The following PISD variants were observed in gnomAD, a reference collection of about 807,000 sequenced individuals.
The protein encoded by PISD is phosphatidylserine decarboxylase proenzyme, mitochondrial.
In PISD, 31 loss-of-function variants were observed where a neutral mutation model predicts 43.5. The observed-to-expected ratio is 0.71, with a 90% confidence interval of 0.54 to 0.96. PISD has a LOEUF of 0.96. Among genes scored for constraint, PISD ranks in the 40% least tolerant of loss-of-function variants. The pLI is 0.00. For missense variants in PISD, 523 were observed against 548.4 expected (o/e 0.95, Z 0.46); for synonymous variants, 259 against 228.7 (o/e 1.13, Z -1.20).
At chr22:31,637,164 A>ATATATAT (rs1205211767) in intron 3 of PISD, among the ~76,000 whole-genome samples, 2 of 13,632 alleles carry the variant, frequency 1.5e-4, no homozygotes, top group Non-Finnish European at 2.5e-4. Flanking sequence ...AAAAAAAAAA[A>ATATATAT]ATATATATAT....
At position 31,630,961 on chromosome 22, in the gene PISD, C is replaced by G; in HGVS notation, c.322-9076G>C. 1.5e-6 allele frequency: 1 copy of G among 685,018 alleles called. No individual in the cohort carries two copies. The highest frequency in any genetic ancestry group is 1.8e-6 in the Non-Finnish European group (1 of 555,136). 42.4% of individuals were successfully genotyped at this position (685,018 alleles called of 1,614,324 possible). On this transcript the variant is annotated intron_variant, in intron 3 of 7. Transcript: ENST00000439502. The surrounding 1 kb of genome is among the most constrained non-coding windows in gnomAD (Gnocchi z 4.4). ...CAGCCACCCTTAAAGCTGCCGCCCC[C>G]TCTGAGCCCCAGTCCTGCTGGGCCG...
At chr22:31,661,940 G>C (rs917187322) in intron 1 of PISD, among the ~76,000 whole-genome samples, 1 of 152,180 alleles carries the variant, frequency 6.6e-6, no homozygotes, top group Admixed American at 6.6e-5. Context: ...GGCAAAGCGC[G>C]AGCTTCTAGG....
At chr22:31,621,215 A>G in intron 5 of PISD, 73 bp from the exon 6 acceptor site, 1 of 1,611,564 alleles carries the variant, frequency 6.2e-7, no homozygotes, top group Non-Finnish European at 8.5e-7. Context: ...TGTGGTCTGC[A>G]CATGGATTCT....
chr22:31,656,896 C>A (rs1435785300), intron 1 of PISD, among the ~76,000 whole-genome samples: 3 of 152,112 alleles, frequency 2.0e-5, no homozygotes, highest in Admixed American at 2.0e-4. Flanking sequence ...TCAAATGTTA[C>A]CTCCTCAGTG....
intron 3 of PISD, chr22:31,628,827 C>T (rs981200783): frequency 1.2e-5 from 12 of 985,550 alleles, no homozygotes; most frequent in Non-Finnish European, 1.4e-5. Flanking sequence ...GCGACGCAGC[C>T]TCAGACCTGG....
intron 3 of PISD, among the ~76,000 whole-genome samples, chr22:31,637,163 AAATATATATAT>A (rs1286228275): frequency 7.4e-4 from 15 of 20,384 alleles, no homozygotes; most frequent in African/African-American, 3.5e-3. Flanking sequence ...AAAAAAAAAA[AAATATATATAT>A]ATATATATAT....
intron 1 of PISD, among the ~76,000 whole-genome samples, chr22:31,658,561 GTTTT>G (rs1301463045): frequency 7.0e-6 from 1 of 143,576 alleles, no homozygotes; most frequent in African/African-American, 2.8e-5. Flanking sequence ...TTGTTTGTTT[GTTTT>G]TTGAGACAGG....
At chr22:31,648,841 C>G (rs1389070445) in intron 2 of PISD, among the ~76,000 whole-genome samples, 1 of 152,074 alleles carries the variant, frequency 6.6e-6, no homozygotes, top group Non-Finnish European at 1.5e-5. Flanking sequence ...CCACCGCAGT[C>G]ACAAAATGTA....
chr22:31,637,164 A>AT (rs1205211767), intron 3 of PISD, among the ~76,000 whole-genome samples: 16 of 13,624 alleles, frequency 1.2e-3, no homozygotes, highest in East Asian at 4.3e-3. Context: ...AAAAAAAAAA[A>AT]ATATATATAT....
intron 1 of PISD, among the ~76,000 whole-genome samples, chr22:31,660,762 C>T (rs950655144): frequency 9.2e-5 from 14 of 152,236 alleles, no homozygotes; most frequent in Middle Eastern, 6.8e-3. Flanking sequence ...GAGACAGAGT[C>T]TCACTCTGTC....
intron 3 of PISD, among the ~76,000 whole-genome samples, chr22:31,635,361 G>A (rs959456241): frequency 6.6e-6 from 1 of 151,930 alleles, no homozygotes; most frequent in Non-Finnish European, 1.5e-5. Flanking sequence ...GGAGTGCAGT[G>A]GAATGATCTT....
chr22:31,652,247 T>C (rs1174615716), intron 1 of PISD, among the ~76,000 whole-genome samples: 1 of 152,008 alleles, frequency 6.6e-6, no homozygotes, highest in Non-Finnish European at 1.5e-5. Flanking sequence ...TTGTCATGCC[T>C]CAGCCTCCTG....
chr22:31,621,365 A>G lies in PISD; in HGVS notation c.666T>C (p.Arg222=). 1 of 1,611,040 alleles carries G rather than the reference A, an allele frequency of 6.2e-7. No homozygotes were observed. Among genetic ancestry groups the G allele is most frequent in the Non-Finnish European group, 8.5e-7 (1 of 1,178,254 alleles). The part of the protein sequence containing the change: ...TYSLESFLGP[R]MCTEDLPFPP... ...GGAAGGGCAGGTCCTCTGTGCACAT[A>G]CGCGGGCCCAGGAACGACTCCAGGG... is the stretch of plus-strand genomic sequence containing the variant. Residue 222 remains arginine (R), a synonymous_variant, in exon 5 of 8, where the codon CGT becomes CGC. Coordinates refer to ENST00000439502, the MANE Select transcript of PISD (RefSeq NM_001326411.2).
intron 3 of PISD, among the ~76,000 whole-genome samples, chr22:31,645,854 C>CT (rs1444719632): frequency 1.7e-5 from 2 of 115,782 alleles, no homozygotes; most frequent in Non-Finnish European, 3.5e-5. Flanking sequence ...GAGACTCCAT[C>CT]TAAAAAAAAA....
In PISD at chr22:31,619,298, G is replaced by A. The variant is rs146860075; in HGVS notation, c.*314C>T. ...GACAACCGAGACCAACTGAAGGTTCGGTCAGGAATGCAGGCTCTTCCGTCT... is the reference window on the plus strand; with the variant it reads ...GACAACCGAGACCAACTGAAGGTTCAGTCAGGAATGCAGGCTCTTCCGTCT... On this transcript the variant is annotated 3_prime_UTR_variant, in exon 8 of 8. Transcript: ENST00000439502. The A allele has an allele frequency of 2.8e-5, 10 of 361,380 alleles. No individual in the cohort carries two copies. The highest frequency in any genetic ancestry group is 6.3e-5 in the African/African-American group (3 of 47,426). 22.4% of individuals were successfully genotyped at this position (361,380 alleles called of 1,614,324 possible).
In PISD at chr22:31,619,563, C is replaced by T. The variant is rs752110353; in HGVS notation, c.*49G>A. On this transcript the variant is annotated 3_prime_UTR_variant, in exon 8 of 8. Transcript: ENST00000439502. ...TGGGCCTCCCTCTTGAAAAGACCCT[C>T]ACTCTGTTTGGAAAAGATCCCTTAG... 1 of 1,504,802 alleles carries T rather than the reference C, an allele frequency of 6.6e-7. No individual in the cohort carries two copies. The highest frequency in any genetic ancestry group is 1.1e-5 in the South Asian group (1 of 87,594). 93.2% of individuals were successfully genotyped at this position (1,504,802 alleles called of 1,614,324 possible).
intron 3 of PISD, chr22:31,631,002 G>A (rs1276891077): frequency 1.2e-5 from 4 of 341,606 alleles, no homozygotes; most frequent in Admixed American, 6.5e-5. Context: ...CCAACCCGAG[G>A]GCCCCTTTAA....
chr22:31,641,472 G>A (rs2073723897), intron 3 of PISD, among the ~76,000 whole-genome samples: 1 of 152,138 alleles, frequency 6.6e-6, no homozygotes, highest in Non-Finnish European at 1.5e-5. Context: ...CATATCCTAG[G>A]TGGGAGAGAG....
rs1435511791 is a variant in PISD at position 31,629,260 on chromosome 22, T to C, written c.322-7375A>G. The C allele has an allele frequency of 4.1e-6, 4 of 981,366 alleles. No individual in the cohort carries two copies. In the East Asian group the frequency reaches 4.6e-4, roughly 112 times the overall value. 60.8% of individuals were successfully genotyped at this position (981,366 alleles called of 1,614,324 possible). A position where few individuals can be genotyped will look rare whatever the true frequency, so the allele number is the denominator to read the frequency against. On this transcript the variant is annotated intron_variant, in intron 3 of 7. Coordinates refer to ENST00000439502, the MANE Select transcript of PISD (RefSeq NM_001326411.2). ...AGGGGTAGGTGCATGTAGGTGGAAG[T>C]GTGTGTGCATGGAGGATACGTGTGC...
Sources: allele counts gnomAD v4.1 joint callset (sites outside exome capture counted in the v4.1 genomes callset), GRCh38; gene constraint gnomAD v4.1.1; non-coding constraint Gnocchi (gnomAD v3.1); transcripts MANE v1.5; gene names NCBI Gene and HGNC (gene_info 2026-07-23, HGNC 2026-07-21).